The following GALNT17 variants were observed in gnomAD, a reference collection of about 807,000 sequenced individuals.
GALNT17 encodes UDP-GalNAc:polypeptide N-acetylgalactosaminyltransferase-like 3.
Under a neutral mutation model 63.7 loss-of-function variants are expected in GALNT17, and 29 were observed. The observed-to-expected ratio is 0.46, with a 90% CI of 0.34 to 0.62. The LOEUF (loss-of-function observed/expected upper bound fraction) is 0.62. Among genes scored for constraint, GALNT17 ranks in the 20% least tolerant of loss-of-function variants. The pLI is 0.01. For missense variants in GALNT17, 603 were observed against 799.6 expected (o/e 0.75, Z 2.97); for synonymous variants, 305 against 318.3 (o/e 0.96, Z 0.45).
At chr7:71,395,602 T>A (rs1457818151) in intron 3 of GALNT17, among the ~76,000 whole-genome samples, 1 of 152,230 alleles carries the variant, frequency 6.6e-6, no homozygotes, top group Non-Finnish European at 1.5e-5. Context: ...GGTACATATC[T>A]AGGAGTAGAA....
intron 6 of GALNT17, among the ~76,000 whole-genome samples, chr7:71,611,126 A>G (rs970655841): frequency 7.2e-5 from 11 of 152,054 alleles, no homozygotes; most frequent in African/African-American, 2.4e-4. Context: ...ATCTCGCAGC[A>G]AAACCTACTC....
chr7:71,576,085 G>A (rs1789532817), intron 6 of GALNT17, among the ~76,000 whole-genome samples: 1 of 152,296 alleles, frequency 6.6e-6, no homozygotes, highest in South Asian at 2.1e-4. Context: ...ACTTTAAAAT[G>A]ATGTAAAGTC....
At chr7:71,457,921 T>C (rs910057100) in intron 5 of GALNT17, among the ~76,000 whole-genome samples, 1 of 152,192 alleles carries the variant, frequency 6.6e-6, no homozygotes, top group Non-Finnish European at 1.5e-5. Flanking sequence ...CAAACAGCTC[T>C]GACATTTTTA....
At chr7:71,678,555 T>TA (rs1394987105) in intron 9 of GALNT17, among the ~76,000 whole-genome samples, 1 of 151,732 alleles carries the variant, frequency 6.6e-6, no homozygotes, top group Non-Finnish European at 1.5e-5. Context: ...CCCAGTGCTA[T>TA]GGGAGGCTGA....
chr7:71,418,330 G>C (rs73363732), intron 4 of GALNT17, among the ~76,000 whole-genome samples: 6,825 of 152,256 alleles, frequency 0.045, 547 homozygotes, highest in African/African-American at 0.16. Flanking sequence ...CCCCTTGGCA[G>C]TTCTTCATTA....
At chr7:71,577,066 A>G (rs143049795) in intron 6 of GALNT17, among the ~76,000 whole-genome samples, 18 of 152,352 alleles carry the variant, frequency 1.2e-4, no homozygotes, top group Admixed American at 4.6e-4. Context: ...TTGCAGCAAC[A>G]TGGATACAGT....
In GALNT17 at chr7:71,653,413, C is replaced by CT. The variant is rs34997969; in HGVS notation, c.1081-11985dup. Among the ~76,000 whole-genome samples the CT allele has an allele frequency of 7.2e-3, 1,056 of 146,966 alleles. 11 individuals carry two copies. The highest frequency in any genetic ancestry group is 0.024 in the African/African-American group (976 of 39,840). ...ATTGTTTCGACCTATAAAAGTAGGACTTTTTTTTTTTTTAAGACTTTCTCT... is the reference window on the plus strand; with the variant it reads ...ATTGTTTCGACCTATAAAAGTAGGACTTTTTTTTTTTTTTAAGACTTTCTCT... On this transcript the variant is annotated intron_variant, in intron 6 of 10. Transcript: ENST00000333538.
chr7:71,447,106 A>C (rs952529358), intron 5 of GALNT17, among the ~76,000 whole-genome samples: 6 of 152,142 alleles, frequency 3.9e-5, no homozygotes, highest in African/African-American at 1.4e-4. Flanking sequence ...CCTACAATTC[A>C]ATTCAATTAT....
intron 1 of GALNT17, among the ~76,000 whole-genome samples, chr7:71,289,900 C>G (rs1238260523): frequency 6.7e-6 from 1 of 149,840 alleles, no homozygotes; most frequent in Non-Finnish European, 1.5e-5. Context: ...AAAAAAAAAG[C>G]CAGATGTGGT....
chr7:71,688,111 G>T (rs1176102725), intron 9 of GALNT17, among the ~76,000 whole-genome samples: 1 of 152,084 alleles, frequency 6.6e-6, no homozygotes, highest in African/African-American at 2.4e-5. Flanking sequence ...ACACCACAGA[G>T]GTTCTGAACC....
intron 5 of GALNT17, among the ~76,000 whole-genome samples, chr7:71,569,549 A>C (rs1395949341): frequency 1.3e-5 from 2 of 152,040 alleles, no homozygotes; most frequent in African/African-American, 4.8e-5. Flanking sequence ...CTGTTCCTGC[A>C]TTAATTTGTT....
intron 5 of GALNT17, among the ~76,000 whole-genome samples, chr7:71,510,549 G>T (rs146723228): frequency 6.6e-6 from 1 of 152,048 alleles, no homozygotes; most frequent in African/African-American, 2.4e-5. Context: ...GGTCATAATC[G>T]CTGGGAGAAC....
intron 1 of GALNT17, among the ~76,000 whole-genome samples, chr7:71,170,285 A>G (rs1459590380): frequency 6.6e-6 from 1 of 151,788 alleles, no homozygotes. Flanking sequence ...ATGTAGATCG[A>G]GAAGGGATAT....
chr7:71,538,782 C>G (rs1172122702), intron 5 of GALNT17, among the ~76,000 whole-genome samples: 1 of 150,212 alleles, frequency 6.7e-6, no homozygotes, highest in Non-Finnish European at 1.5e-5. Context: ...GTCTCATCTT[C>G]TATTGAAGGG....
intron 1 of GALNT17, among the ~76,000 whole-genome samples, chr7:71,260,546 T>C (rs1790367281): frequency 2.0e-5 from 3 of 152,214 alleles, no homozygotes; most frequent in Admixed American, 2.0e-4. Context: ...ATGCTGTACC[T>C]TATTATTCCC....
intron 1 of GALNT17, among the ~76,000 whole-genome samples, chr7:71,214,750 G>A (rs1204746493): frequency 6.6e-6 from 1 of 151,940 alleles, no homozygotes; most frequent in East Asian, 1.9e-4. Flanking sequence ...GCTAATTTTT[G>A]TATTTTTAGT....
At chr7:71,241,863 T>C (rs1025695221) in intron 1 of GALNT17, among the ~76,000 whole-genome samples, 5 of 152,150 alleles carry the variant, frequency 3.3e-5, no homozygotes, top group African/African-American at 1.2e-4. Context: ...CACCCCTGCC[T>C]AGGTGACAGG....
intron 6 of GALNT17, among the ~76,000 whole-genome samples, chr7:71,637,148 C>A (rs1249052899): frequency 2.0e-5 from 3 of 152,066 alleles, no homozygotes. Flanking sequence ...CAGTTACATG[C>A]TAGCTCTCAT....
chr7:71,422,183 C>T (rs1442725661), intron 5 of GALNT17, among the ~76,000 whole-genome samples: 5 of 152,064 alleles, frequency 3.3e-5, no homozygotes, highest in African/African-American at 1.2e-4. Context: ...TCTGGGGGCT[C>T]TTGGGAGATC....
Sources: gnomAD v4.1 joint callset for allele counts (sites outside exome capture counted in the v4.1 genomes callset) on GRCh38, gnomAD v4.1.1 for gene constraint, MANE v1.5 for transcripts, NCBI Gene and HGNC (gene_info 2026-07-23, HGNC 2026-07-21) for gene names.